Variants in C10orf71 observed in about 807,000 individuals in gnomAD.
C10orf71 encodes chromosome 10 open reading frame 71.
For missense variants in C10orf71, 1,869 were observed against 1,804.5 expected (o/e 1.04, Z -0.65); for synonymous variants, 758 against 726.3 (o/e 1.04, Z -0.70).
chr10:49,322,993 T>C lies in C10orf71; in HGVS notation c.448T>C (p.Phe150Leu), dbSNP rs2132431591. The C allele has an allele frequency of 6.2e-7, 1 of 1,613,972 alleles. No individual in the cohort carries two copies. Among genetic ancestry groups the C allele is most frequent in the Non-Finnish European group, 8.5e-7 (1 of 1,179,902 alleles). ...CAAAGTATCAACACTAATTAAATCT[T>C]TCGACAGGACCGAGAGCCAACGTTG... ...VSKVSTLIKS[F>L]DRTESQRCES... is the part of the protein sequence containing the mutation. Residue 150 changes from phenylalanine (F) to leucine (L), a missense_variant, in exon 3 of 3, where the codon TTC becomes CTC. Coordinates refer to ENST00000374144, the MANE Select transcript of C10orf71 (RefSeq NM_001135196.2).
chr10:49,306,249 GCC>G (rs1184623209), intron 1 of C10orf71, among the ~76,000 whole-genome samples: 1 of 152,248 alleles, frequency 6.6e-6, no homozygotes, highest in Non-Finnish European at 1.5e-5. Context: ...CTCAAGCAGT[GCC>G]TGCCACAGGG....
At chr10:49,307,108 A>C (rs56891309) in intron 1 of C10orf71, among the ~76,000 whole-genome samples, 23,597 of 152,230 alleles carry the variant, frequency 0.16, 1,998 homozygotes, top group East Asian at 0.32. Flanking sequence ...TTGGGATCAC[A>C]TGCTCTCCCT....
At position 49,324,934 on chromosome 10, in the gene C10orf71, G is replaced by C. The variant is rs769742396; in HGVS notation, c.2389G>C (p.Gly797Arg). The C allele has an allele frequency of 6.4e-7, 1 of 1,550,888 alleles. No homozygotes were observed. Among genetic ancestry groups the C allele is most frequent in the South Asian group, 1.2e-5 (1 of 84,002 alleles). ...GHACLENRSQ[G>R]EALQRERESV... Reference sequence around the variant, plus strand: ...CGCATGCCTGGAAAACCGCAGCCAGGGGGAAGCATTGCAAAGAGAAAGGGA... The same window carrying C: ...CGCATGCCTGGAAAACCGCAGCCAGCGGGAAGCATTGCAAAGAGAAAGGGA... Residue 797 changes from glycine (G) to arginine (R), a missense_variant, in exon 3 of 3, where the codon GGG (glycine) becomes CGG (arginine). Transcript: ENST00000374144.
In C10orf71 at chr10:49,324,019, T is replaced by A; in HGVS notation, c.1474T>A (p.Tyr492Asn). Residue 492 changes from tyrosine (Y) to asparagine (N), a missense_variant, in exon 3 of 3, where the codon TAC (tyrosine) becomes AAC (asparagine). By Grantham distance (143) the Tyr-to-Asn change is moderately radical. Coordinates refer to ENST00000374144, the MANE Select transcript of C10orf71 (RefSeq NM_001135196.2). ...CAGTGAATGTCAGTCTCGAGACAGCTACAAGTCCAAAGCCCCTAGCCTGCT... is the reference window on the plus strand; with the variant it reads ...CAGTGAATGTCAGTCTCGAGACAGCAACAAGTCCAAAGCCCCTAGCCTGCT... The part of the protein sequence containing the change: ...EPSECQSRDS[Y>N]KSKAPSLLFN... The A allele has an allele frequency of 6.2e-7, 1 of 1,613,584 alleles. No homozygotes were observed. Among genetic ancestry groups the A allele is most frequent in the Non-Finnish European group, 8.5e-7 (1 of 1,179,690 alleles).
chr10:49,325,553 C>T lies in C10orf71; in HGVS notation c.3008C>T (p.Thr1003Ile). Residue 1003 changes from threonine to isoleucine, a missense_variant, in exon 3 of 3, where the codon ACC becomes ATC. Transcript: ENST00000374144. ...GKLAAPWHIP[T>I]IALPEGDIED... Reference sequence around the variant, plus strand: ...CTGGCAGCCCCATGGCACATCCCCACCATTGCTTTACCCGAGGGTGACATA... The same window carrying T: ...CTGGCAGCCCCATGGCACATCCCCATCATTGCTTTACCCGAGGGTGACATA... The T allele has an allele frequency of 6.4e-7, 1 of 1,550,664 alleles. No individual in the cohort carries two copies. The highest frequency in any genetic ancestry group is 8.7e-7 in the Non-Finnish European group (1 of 1,146,102).
Position 49,326,290 on chromosome 10 carries a change from G to T in C10orf71, c.3745G>T (p.Gly1249Cys). 1 of 1,549,962 alleles carries T rather than the reference G, an allele frequency of 6.5e-7. No individual in the cohort carries two copies. Among genetic ancestry groups the T allele is most frequent in the South Asian group, 1.2e-5 (1 of 84,006 alleles). The change falls in exon 3 of 3, where the codon GGC becomes TGC. Residue 1249 changes from glycine to cysteine, a missense_variant. Physicochemically the swap from Gly to Cys is radical, Grantham distance 159 (BLOSUM62 -3). Coordinates refer to ENST00000374144, the MANE Select transcript of C10orf71 (RefSeq NM_001135196.2). ...PPPVHRHSVS[G>C]FSEPVGRRPG... ...TCCCGTGCACCGCCACTCCGTGTCC[G>T]GCTTCTCGGAGCCTGTCGGGAGGCG... is the stretch of plus-strand genomic sequence containing the variant.
At chr10:49,318,428 G>A (rs1849036552) in intron 2 of C10orf71, among the ~76,000 whole-genome samples, 2 of 152,350 alleles carry the variant, frequency 1.3e-5, no homozygotes, top group South Asian at 4.1e-4. Context: ...TCATGAGTGT[G>A]TACTTTCCAG....
At position 49,323,760 on chromosome 10, in the gene C10orf71, C is replaced by T. The variant is rs763998364; in HGVS notation, c.1215C>T (p.Asn405=). 6 of 1,613,998 alleles carry T rather than the reference C, an allele frequency of 3.7e-6. No individual in the cohort carries two copies. Among genetic ancestry groups the T allele is most frequent in the East Asian group, 4.5e-5 (2 of 44,878 alleles). ...QDTLEEKTQT[N]QRGPPLYTKH... ...CTTTAGAAGAAAAGACACAGACCAA[C>T]CAGAGAGGCCCACCTTTGTATACAA... Residue 405 remains asparagine, a synonymous_variant, in exon 3 of 3, where the codon AAC becomes AAT. Transcript: ENST00000374144.
chr10:49,324,938 A>G lies in C10orf71; in HGVS notation c.2393A>G (p.Glu798Gly). 1.3e-6 allele frequency: 2 copies of G among 1,550,676 alleles called. No individual in the cohort carries two copies. The highest frequency in any genetic ancestry group is 1.7e-6 in the Non-Finnish European group (2 of 1,146,240). ...HACLENRSQG[E>G]ALQRERESVS... The stretch of plus-strand genomic sequence containing the variant: ...TGCCTGGAAAACCGCAGCCAGGGGG[A>G]AGCATTGCAAAGAGAAAGGGAAAGT... The change falls in exon 3 of 3, where the codon GAA becomes GGA. Residue 798 changes from glutamate (E) to glycine (G), a missense_variant. Coordinates refer to ENST00000374144, the MANE Select transcript of C10orf71 (RefSeq NM_001135196.2).
At chr10:49,311,965 G>A (rs995395650) in intron 1 of C10orf71, among the ~76,000 whole-genome samples, 3 of 152,158 alleles carry the variant, frequency 2.0e-5, no homozygotes, top group Non-Finnish European at 4.4e-5. Flanking sequence ...ATGAGGCATG[G>A]CATGGAAAAA....
At chr10:49,311,533 G>A (rs1015338560) in intron 1 of C10orf71, among the ~76,000 whole-genome samples, 4 of 152,206 alleles carry the variant, frequency 2.6e-5, no homozygotes, top group African/African-American at 9.7e-5. Flanking sequence ...GGGTGCACCA[G>A]GCACCCTGTA....
chr10:49,320,938 T>C (rs1564688665), intron 2 of C10orf71, among the ~76,000 whole-genome samples: 4 of 152,164 alleles, frequency 2.6e-5, no homozygotes, highest in Admixed American at 2.0e-4. Context: ...ACATATTTAA[T>C]GTGTACAGTT....
chr10:49,298,277 G>T (rs1195767345), upstream of C10orf71, among the ~76,000 whole-genome samples: 1 of 152,216 alleles, frequency 6.6e-6, no homozygotes, highest in Non-Finnish European at 1.5e-5. Context: ...CCCAGCGGGG[G>T]CCAGTCATCT....
Position 49,323,317 on chromosome 10 carries a change from G to T in C10orf71, c.772G>T (p.Val258Phe), listed in dbSNP as rs1355677344. The part of the protein sequence containing the change: ...SKFPSPHHKP[V>F]TGEPGRGKGT... ...GTTCCCCTCTCCACACCACAAGCCA[G>T]TCACGGGTGAGCCTGGGAGAGGCAA... The change falls in exon 3 of 3, where the codon GTC becomes TTC. Residue 258 changes from valine to phenylalanine, a missense_variant. Transcript: ENST00000374144. The T allele has an allele frequency of 5.0e-6, 8 of 1,613,778 alleles. No homozygotes were observed. Among genetic ancestry groups the T allele is most frequent in the African/African-American group, 1.3e-5 (1 of 74,910 alleles).
intron 1 of C10orf71, among the ~76,000 whole-genome samples, chr10:49,301,573 A>T (rs1321398456): frequency 6.6e-6 from 1 of 152,212 alleles, no homozygotes; most frequent in Admixed American, 6.5e-5. Context: ...TCACTCTGGA[A>T]CATTCCCTGG....
chr10:49,318,180 C>A (rs181992710), intron 2 of C10orf71, among the ~76,000 whole-genome samples: 4 of 152,332 alleles, frequency 2.6e-5, no homozygotes, highest in East Asian at 1.9e-4. Flanking sequence ...ACAGCGGAGA[C>A]AACAGAAATT....
rs200365053 is a variant in C10orf71, at chr10:49,323,488, C to A, written c.943C>A (p.Pro315Thr). The A allele has an allele frequency of 3.0e-4, 481 of 1,613,584 alleles. No homozygotes were observed. The highest frequency in any genetic ancestry group is 5.8e-5 in the Non-Finnish European group (68 of 1,179,656). Residue 315 changes from proline (P) to threonine (T), a missense_variant, in exon 3 of 3, where the codon CCC (proline) becomes ACC (threonine). Transcript: ENST00000374144. Reference sequence around the variant, plus strand: ...TGGGGACACGACCTTGCTAAGAGAACCCTGTCCTCCTGAGCGCACAGTCTC... The same window carrying A: ...TGGGGACACGACCTTGCTAAGAGAAACCTGTCCTCCTGAGCGCACAGTCTC... ...HYGDTTLLRE[P>T]CPPERTVSPC...
intron 1 of C10orf71, among the ~76,000 whole-genome samples, chr10:49,302,679 G>C (rs1848749620): frequency 6.6e-6 from 1 of 152,236 alleles, no homozygotes; most frequent in African/African-American, 2.4e-5. Flanking sequence ...CTGATACCCA[G>C]AGCTCCCAAT....
At position 49,322,931 on chromosome 10, in the gene C10orf71, C is replaced by T; in HGVS notation, c.386C>T (p.Pro129Leu). Residue 129 changes from proline to leucine, a missense_variant, in exon 3 of 3, where the codon CCA (proline) becomes CTA (leucine). Pro to Leu is a moderately conservative substitution (Grantham distance 98, BLOSUM62 -3). Transcript: ENST00000374144. ...CCAGTCCAGAGGAGACTGGAGGTGC[C>T]AGTTTCCGGCCTAAGGAGCAGCAAT... ...PTPVQRRLEV[P>L]VSGLRSSNKP... 1 of 1,613,942 alleles carries T rather than the reference C, an allele frequency of 6.2e-7. No individual in the cohort carries two copies. Among genetic ancestry groups the T allele is most frequent in the African/African-American group, 1.3e-5 (1 of 75,030 alleles).
Sources: allele counts gnomAD v4.1 joint callset (sites outside exome capture counted in the v4.1 genomes callset), GRCh38; gene constraint gnomAD v4.1.1; transcripts MANE v1.5; gene names NCBI Gene and HGNC (gene_info 2026-07-23, HGNC 2026-07-21).